Variants in LINGO2 observed in about 807,000 individuals in gnomAD.
LINGO2 encodes the protein leucine-rich repeat and immunoglobulin-like domain-containing nogo receptor-interacting protein 2.
A neutral mutation model predicts 30.6 loss-of-function variants in LINGO2; 14 were observed. The observed-to-expected ratio is 0.46, with a 90% CI of 0.30 to 0.72. The LOEUF (loss-of-function observed/expected upper bound fraction) is 0.72. Among genes scored for constraint, LINGO2 ranks in the 30% least tolerant of loss-of-function variants. LINGO2 has a pLI of 0.07. For synonymous variants in LINGO2, 317 were observed against 288.5 expected, an observed-to-expected ratio of 1.10 and a Z score of -1.00; for missense variants, 729 against 751.7, an observed-to-expected ratio of 0.97 and a Z score of 0.35.
the LINGO2 span, among the ~76,000 whole-genome samples, chr9:28,799,990 C>T: frequency 6.6e-6 from 1 of 151,820 alleles, no homozygotes; most frequent in African/African-American, 2.4e-5. Context: ...ATAACAATGA[C>T]AGTTATTTTC....
chr9:27,950,458 C>A, exon 6 of LINGO2: 1 of 1,609,794 alleles, frequency 6.2e-7, no homozygotes, highest in Non-Finnish European at 8.5e-7. Flanking sequence ...TCAGGGTTGA[C>A]GCTTTTTAGC....
intron 2 of LINGO2, among the ~76,000 whole-genome samples, chr9:28,391,604 CGTGTGTGTGTGT>C (rs35676869): frequency 2.0e-5 from 3 of 147,732 alleles, no homozygotes; most frequent in Non-Finnish European, 3.0e-5. Flanking sequence ...TTTATGTTTG[CGTGTGTGTGTGT>C]GTGTGTGTGT....
At chr9:29,061,770 A>T in the LINGO2 span, among the ~76,000 whole-genome samples, 1 of 152,080 alleles carries the variant, frequency 6.6e-6, no homozygotes, top group Admixed American at 6.6e-5. Context: ...ATTTGACAAT[A>T]GGATTTCTTG....
chr9:29,121,021 C>T, the LINGO2 span, among the ~76,000 whole-genome samples: 1 of 152,038 alleles, frequency 6.6e-6, no homozygotes, highest in Admixed American at 6.6e-5. Flanking sequence ...AAAACTGAGA[C>T]CTGGATATAT....
the LINGO2 span, among the ~76,000 whole-genome samples, chr9:28,856,204 A>G: frequency 1.3e-5 from 2 of 151,942 alleles, no homozygotes; most frequent in African/African-American, 4.8e-5. Context: ...AAAAGGTTTC[A>G]TTTCCACAGA....
rs929130523 is a variant in LINGO2 at position 28,079,140 on chromosome 9, T to G, written c.-86-66735A>C. Among the ~76,000 whole-genome samples the G allele has an allele frequency of 6.6e-5, 9 of 135,458 alleles. 2 individuals carry two copies. Among genetic ancestry groups the G allele is most frequent in the African/African-American group, 3.5e-4 (9 of 25,992 alleles). 88.9% of individuals were successfully genotyped at this position (135,458 alleles called of 152,430 possible). ...GACAAGAAACTTGAAATACTACTAT[T>G]AGGCTTTAAAGCAGGATCAGGTTTT... On this transcript the variant is annotated intron_variant, in intron 4 of 5. Transcript: ENST00000379992.
intron 1 of LINGO2, among the ~76,000 whole-genome samples, chr9:28,638,182 T>C (rs911553350): frequency 4.6e-5 from 7 of 152,304 alleles, no homozygotes; most frequent in African/African-American, 1.7e-4. Context: ...CACTGGATTA[T>C]GGTGGATAAG....
At chr9:28,687,003 C>T in the LINGO2 span, among the ~76,000 whole-genome samples, 9 of 152,078 alleles carry the variant, frequency 5.9e-5, no homozygotes, top group Non-Finnish European at 8.8e-5. Context: ...ACTACTTTTA[C>T]GGTACTTTTC....
intron 5 of LINGO2, among the ~76,000 whole-genome samples, chr9:27,953,299 A>G (rs1282045962): frequency 2.0e-5 from 3 of 152,204 alleles, no homozygotes; most frequent in African/African-American, 7.2e-5. Flanking sequence ...GAAATGTATC[A>G]TTAGAAAATA....
intron 4 of LINGO2, among the ~76,000 whole-genome samples, chr9:28,052,451 T>C (rs1824720535): frequency 6.6e-6 from 1 of 152,086 alleles, no homozygotes; most frequent in Admixed American, 6.6e-5. Flanking sequence ...AGCACATTTC[T>C]GGGACTTCTG....
intron 4 of LINGO2, among the ~76,000 whole-genome samples, chr9:28,234,903 C>T (rs1821504718): frequency 6.6e-6 from 1 of 152,148 alleles, no homozygotes; most frequent in Admixed American, 6.5e-5. Flanking sequence ...TCTAGAAAAC[C>T]CTGACTAGTA....
At chr9:28,827,012 T>A in the LINGO2 span, among the ~76,000 whole-genome samples, 1 of 152,202 alleles carries the variant, frequency 6.6e-6, no homozygotes, top group Admixed American at 6.5e-5. Flanking sequence ...CTATCCATGA[T>A]TAAAATGGGA....
Position 28,300,356 on chromosome 9 carries a change from C to T in LINGO2, c.-245-4990G>A, listed in dbSNP as rs114290469. Among the ~76,000 whole-genome samples the T allele has an allele frequency of 2.7e-3, 413 of 152,246 alleles. 4 individuals carry two copies. The highest frequency in any genetic ancestry group is 9.5e-3 in the African/African-American group (393 of 41,558). On this transcript the variant is annotated intron_variant, in intron 3 of 5. Coordinates refer to ENST00000379992, the Ensembl canonical transcript of LINGO2. ...AGGAAGCCCTTCAAGTGACATAAAG[C>T]AAGATCTAAGGTAACGCTATCAATC...
chr9:28,532,038 T>C (rs1821253878), intron 1 of LINGO2, among the ~76,000 whole-genome samples: 1 of 152,158 alleles, frequency 6.6e-6, no homozygotes, highest in African/African-American at 2.4e-5. Flanking sequence ...AACGTTCCAT[T>C]AGGAGTCATT....
the LINGO2 span, among the ~76,000 whole-genome samples, chr9:28,954,512 GA>G: frequency 6.6e-6 from 1 of 152,172 alleles, no homozygotes; most frequent in Non-Finnish European, 1.5e-5. Flanking sequence ...AATGATGGTG[GA>G]AAATACAGTG....
chr9:28,797,086 T>C, the LINGO2 span, among the ~76,000 whole-genome samples: 1,368 of 151,590 alleles, frequency 9.0e-3, 19 homozygotes, highest in African/African-American at 0.032. Context: ...CAATATAGCA[T>C]AGTGTGAAGA....
At chr9:28,469,933 T>A in intron 2 of LINGO2, among the ~76,000 whole-genome samples, 1 of 152,264 alleles carries the variant, frequency 6.6e-6, no homozygotes, top group East Asian at 1.9e-4. Context: ...AATAAGAGTA[T>A]TATTGTAATT....
At chr9:28,722,024 C>T in the LINGO2 span, among the ~76,000 whole-genome samples, 1 of 151,514 alleles carries the variant, frequency 6.6e-6, no homozygotes, top group African/African-American at 2.4e-5. Flanking sequence ...ACCAAACAGC[C>T]CAAACATGTT....
intron 2 of LINGO2, among the ~76,000 whole-genome samples, chr9:28,472,082 C>T (rs775116097): frequency 8.5e-5 from 13 of 152,062 alleles, no homozygotes; most frequent in Non-Finnish European, 1.6e-4. Context: ...AAAGAGGGCC[C>T]TTTCAATGGT....
Sources: allele counts gnomAD v4.1 joint callset (sites outside exome capture counted in the v4.1 genomes callset), GRCh38; gene constraint gnomAD v4.1.1; transcripts MANE v1.5; gene names NCBI Gene and HGNC (gene_info 2026-07-23, HGNC 2026-07-21).